CTNNA3: variants seen among roughly 807,000 people sequenced by gnomAD.
The protein encoded by CTNNA3 is catenin alpha-3.
A neutral mutation model predicts 95.7 loss-of-function variants in CTNNA3; 76 were observed. The observed-to-expected ratio is 0.79, with a 90% CI of 0.66 to 0.96. The LOEUF (loss-of-function observed/expected upper bound fraction) is 0.96. Ranked by LOEUF, CTNNA3 falls within the 40% of genes least tolerant of loss-of-function variation. The probability of loss-of-function intolerance (pLI) is 0.00; values close to 1 mark genes in which losing one functional copy is unlikely to be tolerated. For missense variants in CTNNA3, 1,191 were observed against 1,089.8 expected (o/e 1.09, Z -1.31); for synonymous variants, 431 against 374.4 (o/e 1.15, Z -1.74).
At chr10:67,084,343 A>C (rs1378637900) in intron 7 of CTNNA3, among the ~76,000 whole-genome samples, 1 of 152,096 alleles carries the variant, frequency 6.6e-6, no homozygotes, top group Admixed American at 6.5e-5. Context: ...CTGTTGGGCA[A>C]CAGTCACTAA....
rs570535040 is a variant in CTNNA3 at position 66,071,395 on chromosome 10, A to ACTTCAAT, written c.1978-1907_1978-1906insATTGAAG. 2.5e-3 allele frequency among the ~76,000 whole-genome samples: 388 copies of ACTTCAAT among 152,346 alleles called. 6 individuals carry two copies. The highest frequency in any genetic ancestry group is 9.0e-3 in the African/African-American group (375 of 41,588). The stretch of plus-strand genomic sequence containing the variant: ...GTTACCAAACACAAGAAACATTTAA[A>ACTTCAAT]CTTCATAGCAGCCCTATGAGGAATT... On this transcript the variant is annotated intron_variant, in intron 14 of 17. Coordinates refer to ENST00000433211, the MANE Select transcript of CTNNA3 (RefSeq NM_013266.4).
At chr10:66,298,613 C>T (rs924135064) in intron 12 of CTNNA3, among the ~76,000 whole-genome samples, 9 of 152,094 alleles carry the variant, frequency 5.9e-5, no homozygotes, top group Admixed American at 6.5e-5. Flanking sequence ...ATTTCCCTTT[C>T]GTGGATATTT....
intron 13 of CTNNA3, among the ~76,000 whole-genome samples, chr10:66,169,453 G>T (rs1425266565): frequency 6.6e-6 from 1 of 152,034 alleles, no homozygotes; most frequent in African/African-American, 2.4e-5. Flanking sequence ...CCACATTTTT[G>T]CAATTATGAA....
intron 5 of CTNNA3, among the ~76,000 whole-genome samples, chr10:67,463,317 A>G (rs550862404): frequency 6.6e-6 from 1 of 152,300 alleles, no homozygotes; most frequent in African/African-American, 2.4e-5. Flanking sequence ...AGGATGCTTC[A>G]GCTAAGTGGG....
intron 9 of CTNNA3, among the ~76,000 whole-genome samples, chr10:66,698,570 A>T (rs1315774420): frequency 6.6e-6 from 1 of 152,238 alleles, no homozygotes; most frequent in Non-Finnish European, 1.5e-5. Context: ...CAGTAACACA[A>T]GTGTATCACA....
chr10:66,215,103 T>A (rs2088437880), intron 13 of CTNNA3, among the ~76,000 whole-genome samples: 1 of 152,062 alleles, frequency 6.6e-6, no homozygotes. Flanking sequence ...GAATCTCATG[T>A]GCACAGAGTA....
intron 15 of CTNNA3, among the ~76,000 whole-genome samples, chr10:66,013,306 C>T (rs549020680): frequency 2.6e-5 from 4 of 152,138 alleles, no homozygotes; most frequent in South Asian, 4.1e-4. Flanking sequence ...TTATATCAAC[C>T]ATTGTATTGA....
chr10:67,611,693 A>T (rs1056760055), intron 2 of CTNNA3, among the ~76,000 whole-genome samples: 2 of 151,882 alleles, frequency 1.3e-5, no homozygotes, highest in Non-Finnish European at 2.9e-5. Context: ...TATAGTTCTG[A>T]TTTTTTTTAA....
At chr10:66,656,437 T>G (rs200885072) in intron 9 of CTNNA3, among the ~76,000 whole-genome samples, 3 of 152,000 alleles carry the variant, frequency 2.0e-5, no homozygotes, top group Middle Eastern at 3.2e-3. Context: ...GAAATACAGG[T>G]GAAGTAGAAG....
chr10:66,528,171 C>G (rs1259551331), intron 10 of CTNNA3, among the ~76,000 whole-genome samples: 3 of 152,070 alleles, frequency 2.0e-5, no homozygotes, highest in Non-Finnish European at 4.4e-5. Context: ...CAAATTAGCT[C>G]CTGTTAGACC....
chr10:67,638,617 C>G (rs149011904), intron 2 of CTNNA3, among the ~76,000 whole-genome samples: 1,806 of 152,276 alleles, frequency 0.012, 39 homozygotes, highest in African/African-American at 0.041. Flanking sequence ...AAGTAAAGCA[C>G]TCCTCAGCAA....
chr10:67,181,332 G>C (rs867359339), intron 6 of CTNNA3, among the ~76,000 whole-genome samples: 2 of 152,060 alleles, frequency 1.3e-5, no homozygotes, highest in Non-Finnish European at 1.5e-5. Flanking sequence ...AATAGAAGTC[G>C]AGATAATCTA....
At chr10:66,607,496 A>AG (rs1844170869) in intron 10 of CTNNA3, among the ~76,000 whole-genome samples, 1 of 142,970 alleles carries the variant, frequency 7.0e-6, no homozygotes, top group Non-Finnish European at 1.5e-5. Context: ...AAAAAAAAAA[A>AG]GCAAGAAAGA....
At chr10:66,804,537 C>G (rs1841564538) in intron 7 of CTNNA3, among the ~76,000 whole-genome samples, 2 of 151,972 alleles carry the variant, frequency 1.3e-5, no homozygotes, top group African/African-American at 2.4e-5. Context: ...TGCCTTTTTT[C>G]TTTGAACAAT....
intron 2 of CTNNA3, among the ~76,000 whole-genome samples, chr10:67,632,660 A>G (rs1039000855): frequency 1.3e-5 from 2 of 152,162 alleles, no homozygotes; most frequent in Non-Finnish European, 2.9e-5. Flanking sequence ...CGCTTTTCCC[A>G]CGGATCTTTG....
intron 17 of CTNNA3, among the ~76,000 whole-genome samples, chr10:65,938,159 T>G (rs1285516879): frequency 6.6e-6 from 1 of 152,078 alleles, no homozygotes; most frequent in Non-Finnish European, 1.5e-5. Context: ...TGGAGCAAGT[T>G]TAGAAAATGA....
At chr10:66,122,227 C>T (rs1286747650) in intron 13 of CTNNA3, among the ~76,000 whole-genome samples, 8 of 151,974 alleles carry the variant, frequency 5.3e-5, no homozygotes, top group Admixed American at 6.6e-5. Context: ...TTGATAGGCA[C>T]ATCAGTAGAC....
chr10:66,303,719 C>G (rs956113275), intron 12 of CTNNA3, among the ~76,000 whole-genome samples: 2 of 152,110 alleles, frequency 1.3e-5, no homozygotes, highest in African/African-American at 4.8e-5. Flanking sequence ...ACTGCAACCT[C>G]CTGTCCCCGG....
chr10:67,242,637 G>T (rs1865758720), intron 5 of CTNNA3, among the ~76,000 whole-genome samples: 1 of 152,196 alleles, frequency 6.6e-6, no homozygotes, highest in South Asian at 2.1e-4. Context: ...ATGTTTCTGT[G>T]AGCCTTATTA....
Sources: allele counts gnomAD v4.1 joint callset (sites outside exome capture counted in the v4.1 genomes callset), GRCh38; gene constraint gnomAD v4.1.1; transcripts MANE v1.5; gene names NCBI Gene and HGNC (gene_info 2026-07-23, HGNC 2026-07-21).